Variants in AAK1 observed in about 807,000 individuals in gnomAD.
The protein encoded by AAK1 is AP2 associated kinase 1, also known as AP2-associated protein kinase 1.
A neutral mutation model predicts 116.0 loss-of-function variants in AAK1; 37 were observed. The observed-to-expected ratio is 0.32, with a 90% CI of 0.25 to 0.42. The LOEUF (loss-of-function observed/expected upper bound fraction) is 0.42. Among genes scored for constraint, AAK1 ranks in the 10% least tolerant of loss-of-function variants. AAK1 has a pLI of 1.00. For synonymous variants in AAK1, 458 were observed against 439.9 expected (o/e 1.04, Z -0.51); for missense variants, 919 against 1,170.6 (o/e 0.79, Z 3.14).
At chr2:69,479,564 T>C (rs529308085) in intron 19 of AAK1, among the ~76,000 whole-genome samples, 27 of 152,276 alleles carry the variant, frequency 1.8e-4, no homozygotes, top group African/African-American at 6.3e-4. Flanking sequence ...GAAGTTACTA[T>C]AGGACAAAGT....
intron 11 of AAK1, among the ~76,000 whole-genome samples, chr2:69,520,465 T>C (rs1669723124): frequency 6.6e-6 from 1 of 151,794 alleles, no homozygotes; most frequent in African/African-American, 2.4e-5. Flanking sequence ...TTCAAGCGAT[T>C]CTCCTGCCTC....
In AAK1 at chr2:69,458,619, T is replaced by C. The variant is rs910036786; in HGVS notation, c.*17250A>G. The C allele has an allele frequency of 5.9e-5, 9 of 152,628 alleles. No individual in the cohort carries two copies. Among genetic ancestry groups the C allele is most frequent in the African/African-American group, 9.7e-5 (4 of 41,450 alleles). 9.5% of individuals were successfully genotyped at this position (152,628 alleles called of 1,614,324 possible). ...AGGAACTACATTTACTCATGCCAAA[T>C]ACCTATGGTCACTTCTCAGTACTCT... On this transcript the variant is annotated 3_prime_UTR_variant, in exon 22 of 22. Transcript: ENST00000409085.
In AAK1 at chr2:69,473,153, G is replaced by A. The variant is rs1196834454; in HGVS notation, c.*2716C>T. Reference sequence around the variant, plus strand: ...TCTGAGAGGTGAAGTGCCTGCTGAAGGTCACTCAGCCAGTGGCTGGCAAGG... The same window carrying A: ...TCTGAGAGGTGAAGTGCCTGCTGAAAGTCACTCAGCCAGTGGCTGGCAAGG... On this transcript the variant is annotated 3_prime_UTR_variant, in exon 22 of 22. Transcript: ENST00000409085. 2 of 788,688 alleles carry A rather than the reference G, an allele frequency of 2.5e-6. No homozygotes were observed. The highest frequency in any genetic ancestry group is 3.1e-6 in the Non-Finnish European group (2 of 650,554). 48.9% of individuals were successfully genotyped at this position (788,688 alleles called of 1,614,324 possible). A position where few individuals can be genotyped will look rare whatever the true frequency, so the allele number is the denominator to read the frequency against.
intron 2 of AAK1, among the ~76,000 whole-genome samples, chr2:69,600,290 GT>G (rs55852032): frequency 0.15 from 19,794 of 133,384 alleles, 1,414 homozygotes; most frequent in Admixed American, 0.19. Flanking sequence ...ATCTGTCTCA[GT>G]TTTTTTTTTT....
chr2:69,641,285 G>C (rs958326927), intron 2 of AAK1, among the ~76,000 whole-genome samples: 2 of 152,126 alleles, frequency 1.3e-5, no homozygotes. Context: ...GTGGCCCTTC[G>C]TTTCTCCTGA....
At position 69,468,063 on chromosome 2, in the gene AAK1, AT is replaced by A. The variant is rs1674547245; in HGVS notation, c.*7805del. Reference sequence around the variant, plus strand: ...ATTCCAGATTGGGGCGTTAAGTTAAATTCTGTACTGGTGCCAAATGGCTTTC... The same window carrying A: ...ATTCCAGATTGGGGCGTTAAGTTAAATCTGTACTGGTGCCAAATGGCTTTC... On this transcript the variant is annotated 3_prime_UTR_variant, in exon 22 of 22. Transcript: ENST00000409085. 6.1e-6 allele frequency: 6 copies of A among 985,344 alleles called. No individual in the cohort carries two copies. In the South Asian group the frequency reaches 2.8e-4, roughly 46 times the overall value. 61.0% of individuals were successfully genotyped at this position (985,344 alleles called of 1,614,324 possible). A position where few individuals can be genotyped will look rare whatever the true frequency, so the allele number is the denominator to read the frequency against.
intron 2 of AAK1, among the ~76,000 whole-genome samples, chr2:69,624,259 A>T (rs1222986083): frequency 6.6e-6 from 1 of 152,232 alleles, no homozygotes; most frequent in Non-Finnish European, 1.5e-5. Flanking sequence ...TAGAACAAGT[A>T]CTCAAAGGCT....
At chr2:69,481,725 T>A (rs1271672242) in intron 18 of AAK1, 1 of 152,252 alleles carries the variant, frequency 6.6e-6, no homozygotes, top group African/African-American at 2.4e-5. Flanking sequence ...ACCAAGCCCC[T>A]GCCCTGGATT....
chr2:69,576,309 T>C (rs1343449804), intron 2 of AAK1, among the ~76,000 whole-genome samples: 1 of 152,122 alleles, frequency 6.6e-6, no homozygotes, highest in Non-Finnish European at 1.5e-5. Flanking sequence ...AAGATACATA[T>C]ATGTTAACAA....
chr2:69,542,610 A>C lies in AAK1; in HGVS notation c.447T>G (p.Asn149Lys). ...TATCACAAAATATCTGGAGCACTTC[A>C]TTCTCTGTAAAGCCTGTTTGCAGGC... ...NQRLQTGFTE[N>K]EVLQIFCDTC... is the part of the protein sequence containing the mutation. Residue 149 changes from asparagine (N) to lysine (K), a missense_variant, in exon 5 of 22, where the codon AAT becomes AAG. Around this residue, in one of 4 missense-constraint regions of AAK1, gnomAD observed 317 missense variants for 490.4 expected, o/e 0.65. Coordinates refer to ENST00000409085, the MANE Select transcript of AAK1 (RefSeq NM_014911.5). 6.2e-7 allele frequency: 1 copy of C among 1,613,976 alleles called. No individual in the cohort carries two copies. Among genetic ancestry groups the C allele is most frequent in the Non-Finnish European group, 8.5e-7 (1 of 1,179,872 alleles).
chr2:69,492,781 C>T, intron 17 of AAK1, among the ~76,000 whole-genome samples: 1 of 151,968 alleles, frequency 6.6e-6, no homozygotes, highest in East Asian at 1.9e-4. Context: ...GCCTCGACCT[C>T]CCAAAGTGCT....
chr2:69,505,919 T>C (rs754291885), intron 15 of AAK1, among the ~76,000 whole-genome samples: 11 of 152,214 alleles, frequency 7.2e-5, no homozygotes, highest in Non-Finnish European at 1.6e-4. Flanking sequence ...AAAAGCGTTC[T>C]GGAGATTGGT....
chr2:69,499,516 C>G, intron 16 of AAK1, among the ~76,000 whole-genome samples: 1 of 152,164 alleles, frequency 6.6e-6, no homozygotes, highest in East Asian at 1.9e-4. Flanking sequence ...CAGAACTGTT[C>G]CATGAAACCA....
At chr2:69,586,648 G>A (rs1035969644) in intron 2 of AAK1, among the ~76,000 whole-genome samples, 11 of 152,176 alleles carry the variant, frequency 7.2e-5, no homozygotes, top group Admixed American at 1.3e-4. Context: ...TCTGGCTTCT[G>A]AGATCTCTGG....
intron 5 of AAK1, among the ~76,000 whole-genome samples, chr2:69,535,707 TG>T (rs1236647926): frequency 6.6e-6 from 1 of 151,644 alleles, no homozygotes; most frequent in Non-Finnish European, 1.5e-5. Flanking sequence ...GGCCCTGAGA[TG>T]GGAGTGTGCC....
intron 2 of AAK1, among the ~76,000 whole-genome samples, chr2:69,591,749 T>C (rs1481071602): frequency 6.6e-6 from 1 of 152,068 alleles, no homozygotes; most frequent in African/African-American, 2.4e-5. Context: ...TTTTGTATTT[T>C]TAGCAGAGAC....
At position 69,490,917 on chromosome 2, in the gene AAK1, G is replaced by A. The variant is rs539319841; in HGVS notation, c.2365+5068C>T. On this transcript the variant is annotated intron_variant, in intron 17 of 21. Coordinates refer to ENST00000409085, the MANE Select transcript of AAK1 (RefSeq NM_014911.5). Reference sequence around the variant, plus strand: ...ATCTTTCTAAAATATATCTATGTGTGTGTACCCACACACACACACACACAC... The same window carrying A: ...ATCTTTCTAAAATATATCTATGTGTATGTACCCACACACACACACACACAC... 3.9e-5 allele frequency among the ~76,000 whole-genome samples: 5 copies of A among 127,434 alleles called. No homozygotes were observed. The East Asian group carries it at 1.7e-3, about 42-fold the overall frequency. 83.6% of individuals were successfully genotyped at this position (127,434 alleles called of 152,430 possible).
At chr2:69,637,840 T>C (rs1218268394) in intron 2 of AAK1, among the ~76,000 whole-genome samples, 1 of 152,126 alleles carries the variant, frequency 6.6e-6, no homozygotes, top group Non-Finnish European at 1.5e-5. Flanking sequence ...GCTACCAGGG[T>C]ACAAGTGTAT....
At chr2:69,480,159 T>C (rs1675029228) in intron 19 of AAK1, among the ~76,000 whole-genome samples, 1 of 150,846 alleles carries the variant, frequency 6.6e-6, no homozygotes, top group South Asian at 2.1e-4. Flanking sequence ...TTGGAGGTAA[T>C]TTTTTTTTCA....
Sources: allele counts gnomAD v4.1 joint callset (sites outside exome capture counted in the v4.1 genomes callset), GRCh38; gene constraint gnomAD v4.1.1; regional missense constraint gnomAD v4.1.1; transcripts MANE v1.5; gene names NCBI Gene and HGNC (gene_info 2026-07-23, HGNC 2026-07-21).